Variants in TSPAN1 observed in about 807,000 individuals in gnomAD.
TSPAN1 encodes the protein tetraspanin 1, also known as tetraspanin-1.
In TSPAN1, 23 loss-of-function variants were observed where a neutral mutation model predicts 26.9. The ratio of observed to expected loss-of-function variants is 0.85; its 90% CI spans 0.62 to 1.21. The LOEUF (loss-of-function observed/expected upper bound fraction) is 1.21. TSPAN1 is among the 50% of genes most tolerant of loss of function. The pLI, the probability that TSPAN1 is intolerant of heterozygous loss-of-function variation, is 0.00. For missense variants in TSPAN1, 283 were observed against 298.4 expected, an observed-to-expected ratio of 0.95 and a Z score of 0.38; for synonymous variants, 115 against 114.8, an observed-to-expected ratio of 1.00 and a Z score of -0.01.
At chr1:46,190,361 G>C, downstream of TSPAN1, 1 of 1,387,800 alleles carries the variant, frequency 7.2e-7, no homozygotes, top group Non-Finnish European at 1.0e-6. Flanking sequence ...CCTAATGTTT[G>C]AGATGAGGGC....
downstream of TSPAN1, among the ~76,000 whole-genome samples, chr1:46,187,042 A>G (rs1316947581): frequency 2.0e-5 from 3 of 152,088 alleles, no homozygotes; most frequent in South Asian, 4.1e-4. Flanking sequence ...TCCTGACCTC[A>G]GGTGATCCAC....
chr1:46,193,734 C>G, the TSPAN1 span: 1 of 1,601,140 alleles, frequency 6.2e-7, no homozygotes, highest in Non-Finnish European at 8.5e-7. Flanking sequence ...TATGCTTACC[C>G]ACAGAGGTGA....
chr1:46,190,686 G>T (rs1157604951), downstream of TSPAN1: 1 of 1,588,468 alleles, frequency 6.3e-7, no homozygotes, highest in South Asian at 1.1e-5. Flanking sequence ...AAATCTCCTA[G>T]ATATCCACCC....
downstream of TSPAN1, chr1:46,188,924 G>A (rs762671303): frequency 2.5e-5 from 40 of 1,612,754 alleles, no homozygotes; most frequent in Non-Finnish European, 2.8e-5. Context: ...CTCCAGGTTC[G>A]GCCTGTTTTC....
downstream of TSPAN1, chr1:46,188,913 C>T: frequency 1.9e-6 from 3 of 1,612,812 alleles, no homozygotes; most frequent in South Asian, 1.1e-5. Flanking sequence ...AAATCCAGGC[C>T]CTCCAGGTTC....
rs35321971 is a variant in TSPAN1 at position 46,184,519 on chromosome 1, CG to C, written c.265-66del. On this transcript the variant is annotated intron_variant, in intron 4 of 8. Transcript: ENST00000372003. ...GGCTCAGGCTTCTGTCTCACTTTTC[CG>C]GGGGGGGGATTAGGGCAAGGAGGGC... 1,751 of 1,549,938 alleles carry C rather than the reference CG, an allele frequency of 1.1e-3. 3 individuals carry two copies. The East Asian group carries it at 0.015, about 13-fold the overall frequency.
chr1:46,193,014 C>A, the TSPAN1 span: 1 of 1,609,788 alleles, frequency 6.2e-7, no homozygotes, highest in Non-Finnish European at 8.5e-7. Flanking sequence ...CCTGTGATCT[C>A]CTTTGCCCCC....
intron 1 of TSPAN1, among the ~76,000 whole-genome samples, chr1:46,177,297 T>C (rs1657196602): frequency 6.6e-6 from 1 of 151,508 alleles, no homozygotes; most frequent in Admixed American, 6.6e-5. Context: ...ATTGCACCAT[T>C]GCACTCCAGC....
chr1:46,187,139 C>T (rs139087250), downstream of TSPAN1, among the ~76,000 whole-genome samples: 147 of 152,318 alleles, frequency 9.7e-4, no homozygotes, highest in African/African-American at 3.4e-3. Flanking sequence ...CCCTAACTAT[C>T]CCTATGCTCC....
At chr1:46,189,476 AC>A (rs386834022), downstream of TSPAN1, 20 of 1,613,380 alleles carry the variant, frequency 1.2e-5, no homozygotes, top group Non-Finnish European at 1.4e-5. Context: ...GGAAGCCGGG[AC>A]CCCCACCATC....
the TSPAN1 span, chr1:46,193,024 C>T: frequency 1.9e-6 from 3 of 1,607,092 alleles, no homozygotes; most frequent in South Asian, 1.1e-5. Flanking sequence ...CCTTTGCCCC[C>T]AACCCTCTTC....
downstream of TSPAN1, chr1:46,189,213 G>T: frequency 6.4e-7 from 1 of 1,572,416 alleles, no homozygotes; most frequent in Admixed American, 1.9e-5. Flanking sequence ...ATGGAGGGAA[G>T]GGCTAGCCAG....
chr1:46,194,979 G>A, the TSPAN1 span: 1 of 1,612,004 alleles, frequency 6.2e-7, no homozygotes, highest in Admixed American at 1.7e-5. Flanking sequence ...ACCAGAGAAG[G>A]CAGTTAGCCT....
chr1:46,189,210 G>C, downstream of TSPAN1: 1 of 1,567,172 alleles, frequency 6.4e-7, no homozygotes, highest in Non-Finnish European at 8.6e-7. Flanking sequence ...AGGATGGAGG[G>C]AAGGGCTAGC....
rs1202323151 is a variant in TSPAN1, at chr1:46,185,793, C to T, written c.*260C>T. 7.0e-6 allele frequency: 4 copies of T among 571,256 alleles called. No individual in the cohort carries two copies. In the Admixed American group the frequency reaches 9.2e-5, roughly 13 times the overall value. 35.4% of individuals were successfully genotyped at this position (571,256 alleles called of 1,614,324 possible). A position where few individuals can be genotyped will look rare whatever the true frequency, so the allele number is the denominator to read the frequency against. The stretch of plus-strand genomic sequence containing the variant: ...TAGCCAGTTCTGTTGCCCATTCCCC[C>T]AGTCTATTAAACCCTTGATATGCCC... On this transcript the variant is annotated 3_prime_UTR_variant, in exon 9 of 9. Transcript: ENST00000372003.
At chr1:46,192,487 C>T in the TSPAN1 span, 21 of 1,613,998 alleles carry the variant, frequency 1.3e-5, no homozygotes, top group East Asian at 6.7e-5. Flanking sequence ...CTCATAAACT[C>T]GCCTGCTAAA....
Position 46,185,217 on chromosome 1 carries a change from T to C in TSPAN1, c.595-8T>C. ...GCCAACTATAAATGCTCTTTTCTCT[T>C]CCTGAAGGGTTGCTTCAATCAGCTT... On this transcript the variant is annotated splice_region_variant and splice_polypyrimidine_tract_variant and intron_variant, in intron 7 of 8. Coordinates refer to ENST00000372003, the MANE Select transcript of TSPAN1 (RefSeq NM_005727.4). 1 of 1,614,154 alleles carries C rather than the reference T, an allele frequency of 6.2e-7. No individual in the cohort carries two copies. Among genetic ancestry groups the C allele is most frequent in the Non-Finnish European group, 8.5e-7 (1 of 1,180,030 alleles).
chr1:46,176,116 CT>C, intron 1 of TSPAN1: 2 of 1,185,658 alleles, frequency 1.7e-6, no homozygotes, highest in South Asian at 2.9e-5. Context: ...ACCTTGTGAT[CT>C]GCCCGCCTTG....
At chr1:46,196,221 G>T in the TSPAN1 span, 1 of 1,503,048 alleles carries the variant, frequency 6.7e-7, no homozygotes, top group Non-Finnish European at 9.0e-7. The surrounding 1 kb of genome is among the most constrained non-coding windows in gnomAD (Gnocchi z 4.4). Context: ...AACTCAGCTC[G>T]AAGGCCACCT....
Sources: gnomAD v4.1 joint callset for allele counts (sites outside exome capture counted in the v4.1 genomes callset) on GRCh38, gnomAD v4.1.1 for gene constraint, Gnocchi (gnomAD v3.1) non-coding constraint, MANE v1.5 for transcripts, NCBI Gene and HGNC (gene_info 2026-07-23, HGNC 2026-07-21) for gene names.